The following VPS45 variants were observed in gnomAD, a reference collection of about 807,000 sequenced individuals.
The protein encoded by VPS45 is vacuolar protein sorting-associated protein 45.
VPS45 carries 35 observed loss-of-function variants against 75.9 expected under a neutral mutation model. The observed-to-expected ratio is 0.46, with a 90% CI of 0.35 to 0.61. The LOEUF (loss-of-function observed/expected upper bound fraction) is 0.61. Ranked by LOEUF, VPS45 falls within the 20% of genes least tolerant of loss-of-function variation. VPS45 has a pLI of 0.00. For missense variants in VPS45, 559 were observed against 685.9 expected (o/e 0.81, Z 2.07); for synonymous variants, 220 against 238.2 (o/e 0.92, Z 0.70).
chr1:150,144,371 T>C (rs1417583079), intron 14 of VPS45, among the ~76,000 whole-genome samples: 3 of 152,174 alleles, frequency 2.0e-5, no homozygotes, highest in Non-Finnish European at 2.9e-5. Context: ...CAGGTGCTGA[T>C]GTAACATGGT....
At chr1:150,083,296 T>C (rs1410774482) in intron 10 of VPS45, 4 of 153,642 alleles carry the variant, frequency 2.6e-5, no homozygotes, top group African/African-American at 9.6e-5. Flanking sequence ...ATAAAACATA[T>C]ATTAAAATGT....
chr1:150,086,641 T>C (rs4058847), intron 10 of VPS45, among the ~76,000 whole-genome samples: 40,044 of 152,038 alleles, frequency 0.26, 7,978 homozygotes, highest in African/African-American at 0.56. Flanking sequence ...ATTTTAGAAA[T>C]AGTATTGATC....
At chr1:150,093,698 A>G (rs1656470773) in intron 13 of VPS45, 50 bp downstream of exon 13, 8 of 1,580,210 alleles carry the variant, frequency 5.1e-6, no homozygotes, top group Non-Finnish European at 6.9e-6. Flanking sequence ...CTGAACAAAC[A>G]GAAAATTTAG....
At chr1:150,096,362 T>C (rs1486561039) in intron 13 of VPS45, among the ~76,000 whole-genome samples, 1 of 152,156 alleles carries the variant, frequency 6.6e-6, no homozygotes, top group Non-Finnish European at 1.5e-5. Flanking sequence ...AGAAGAGTAT[T>C]AGTACAGGTA....
chr1:150,089,306 G>C (rs374385360), intron 10 of VPS45, among the ~76,000 whole-genome samples: 1 of 152,196 alleles, frequency 6.6e-6, no homozygotes, highest in East Asian at 1.9e-4. Flanking sequence ...TATAAGAAAA[G>C]TAACAACAGA....
chr1:150,120,181 G>C (rs782301857), intron 14 of VPS45, among the ~76,000 whole-genome samples: 1 of 152,076 alleles, frequency 6.6e-6, no homozygotes. Context: ...CCACTTACTA[G>C]TTTTTTTATT....
At chr1:150,105,543 ATAT>A (rs141721174) in intron 13 of VPS45, among the ~76,000 whole-genome samples, 3,274 of 152,302 alleles carry the variant, frequency 0.021, 96 homozygotes, top group African/African-American at 0.074. Context: ...ATACTTAGGA[ATAT>A]ATTTAACCAA....
At chr1:150,095,392 T>A (rs587668107) in intron 13 of VPS45, among the ~76,000 whole-genome samples, 1 of 152,234 alleles carries the variant, frequency 6.6e-6, no homozygotes, top group South Asian at 2.1e-4. Context: ...AGCGGGAGGA[T>A]CACCTGAGGT....
intron 14 of VPS45, among the ~76,000 whole-genome samples, chr1:150,118,460 C>T (rs1043505868): frequency 1.7e-4 from 26 of 151,970 alleles, no homozygotes; most frequent in African/African-American, 5.1e-4. Flanking sequence ...GGCTGGAGTG[C>T]AGTGGTTTGA....
At chr1:150,125,119 A>G (rs1553810447) in intron 14 of VPS45, among the ~76,000 whole-genome samples, 1 of 150,200 alleles carries the variant, frequency 6.7e-6, no homozygotes, top group Non-Finnish European at 1.5e-5. Context: ...TTTTTTATTT[A>G]TTTATTTTTT....
At chr1:150,079,632 G>A (rs1247497094) in intron 7 of VPS45, among the ~76,000 whole-genome samples, 2 of 151,984 alleles carry the variant, frequency 1.3e-5, no homozygotes, top group African/African-American at 2.4e-5. Flanking sequence ...GGCTGGTCTC[G>A]AATTCCTGAC....
chr1:150,082,863 G>A lies in VPS45; in HGVS notation c.1084G>A (p.Asp362Asn). 6.2e-7 allele frequency: 1 copy of A among 1,614,016 alleles called. No individual in the cohort carries two copies. The highest frequency in any genetic ancestry group is 8.5e-7 in the Non-Finnish European group (1 of 1,179,978). Residue 362 changes from aspartate (D) to asparagine (N), a missense_variant, in exon 10 of 15, where the codon GAC becomes AAC. Physicochemically the swap from Asp to Asn is conservative, Grantham distance 23. Transcript: ENST00000644510. ...EVEQELACQN[D>N]HSSALQNIKR... is the part of the protein sequence containing the mutation. ...TGAGCAAGAACTGGCCTGTCAAAAT[G>A]ACCATTCTAGTGCTCTCCAGGTCAG...
intron 14 of VPS45, among the ~76,000 whole-genome samples, chr1:150,134,069 A>G (rs1658958507): frequency 6.6e-6 from 1 of 152,228 alleles, no homozygotes; most frequent in South Asian, 2.1e-4. Flanking sequence ...ATTTTTGAAT[A>G]GGCAATTATA....
intron 14 of VPS45, among the ~76,000 whole-genome samples, chr1:150,132,867 T>G (rs587633151): frequency 2.0e-5 from 3 of 152,308 alleles, no homozygotes; most frequent in African/African-American, 7.2e-5. Context: ...ATTGTTGTGA[T>G]GATTAGATGA....
chr1:150,143,076 A>T (rs1485694424), intron 14 of VPS45: 1 of 230,730 alleles, frequency 4.3e-6, no homozygotes, highest in Admixed American at 5.1e-5. Flanking sequence ...GGTGAGTAAG[A>T]CTTCCCCCTA....
In VPS45 at chr1:150,082,588, G is replaced by A. The variant is rs587596811; in HGVS notation, c.937-128G>A. 106 of 1,142,394 alleles carry A rather than the reference G, an allele frequency of 9.3e-5. 1 individual carries two copies. The South Asian group carries it at 1.6e-3, about 18-fold the overall frequency. The allele number at this position is 1,142,394 out of a possible 1,614,324, so 70.8% of individuals were successfully genotyped here. Reference sequence around the variant, plus strand: ...CTTAAGCATAACAAAATGCCATGTGGCTGAAAGTTGTAGATGCTTTAATCT... The same window carrying A: ...CTTAAGCATAACAAAATGCCATGTGACTGAAAGTTGTAGATGCTTTAATCT... On this transcript the variant is annotated intron_variant, in intron 9 of 14. Transcript: ENST00000644510.
intron 11 of VPS45, 21 bp downstream of exon 11, chr1:150,092,116 C>T (rs782368318): frequency 1.2e-6 from 2 of 1,604,512 alleles, no homozygotes; most frequent in Non-Finnish European, 1.7e-6. Context: ...TCCATATTAG[C>T]CCACCAAACA....
chr1:150,093,104 C>T (rs1162117896), intron 12 of VPS45, among the ~76,000 whole-genome samples: 1 of 152,056 alleles, frequency 6.6e-6, no homozygotes, highest in Non-Finnish European at 1.5e-5. Context: ...CCTCGGCCTC[C>T]CAAAGTGCTG....
rs146047904 is a variant in VPS45, at chr1:150,102,297, C to A, written c.1494-8199C>A. The stretch of plus-strand genomic sequence containing the variant: ...AGGTTGGGTGGCTCATGCCTGTAAT[C>A]CCAGCACTTCGGGAGGCCGAAGTGG... On this transcript the variant is annotated intron_variant, in intron 13 of 14. Coordinates refer to ENST00000644510, the MANE Select transcript of VPS45 (RefSeq NM_007259.5). Among the ~76,000 whole-genome samples, 812 of 149,088 alleles carry A rather than the reference C, an allele frequency of 5.4e-3. 5 individuals carry two copies. Among genetic ancestry groups the A allele is most frequent in the African/African-American group, 0.019 (770 of 40,244 alleles).
Sources: allele counts gnomAD v4.1 joint callset (sites outside exome capture counted in the v4.1 genomes callset), GRCh38; gene constraint gnomAD v4.1.1; transcripts MANE v1.5; gene names NCBI Gene and HGNC (gene_info 2026-07-23, HGNC 2026-07-21).